Variants in SENP1 observed in about 807,000 individuals in gnomAD.
The protein encoded by SENP1 is SUMO specific peptidase 1.
Under a neutral mutation model 93.0 loss-of-function variants are expected in SENP1, and 21 were observed. That is an observed-to-expected ratio of 0.23 (90% CI 0.16 to 0.33). SENP1 has a LOEUF of 0.33. SENP1 is among the 10% of genes least tolerant of loss of function. SENP1 has a pLI of 1.00. For missense variants in SENP1, 591 were observed against 758.7 expected (o/e 0.78, Z 2.60); for synonymous variants, 256 against 259.6 (o/e 0.99, Z 0.13).
In SENP1 at chr12:48,043,379, G is replaced by A. The variant is rs543423257; in HGVS notation, c.*1943C>T. On this transcript the variant is annotated 3_prime_UTR_variant, in exon 18 of 18. Transcript: ENST00000549518. ...GAACAATCTTGTTCTGAGTCCCCCA[G>A]ACAATAGTGAAAGAACCTGAAAAAG... 2 of 152,682 alleles carry A rather than the reference G, an allele frequency of 1.3e-5. No homozygotes were observed. Among genetic ancestry groups the A allele is most frequent in the Non-Finnish European group, 2.9e-5 (2 of 68,024 alleles). The allele number at this position is 152,682 out of a possible 1,614,324, so 9.5% of individuals were successfully genotyped here.
At chr12:48,087,272 G>T (rs1944943700) in intron 5 of SENP1, among the ~76,000 whole-genome samples, 3 of 152,122 alleles carry the variant, frequency 2.0e-5, no homozygotes, top group Non-Finnish European at 4.4e-5. Flanking sequence ...TATGTAGAAG[G>T]ATATGTACTA....
intron 13 of SENP1, chr12:48,055,544 C>A (rs189733225): frequency 3.9e-5 from 6 of 152,134 alleles, no homozygotes; most frequent in Admixed American, 3.3e-4. Flanking sequence ...TTGCTGGCCT[C>A]CCCAAGGATA....
chr12:48,046,500 T>C (rs1372434421), intron 16 of SENP1, 49 bp from the exon 17 acceptor site: 1 of 1,266,008 alleles, frequency 7.9e-7, no homozygotes, highest in Non-Finnish European at 1.2e-6. Context: ...GCTTCTTTCC[T>C]TCTTAGATTA....
intron 6 of SENP1, chr12:48,081,409 T>TA (rs1334201148): frequency 1.3e-5 from 2 of 152,058 alleles, no homozygotes; most frequent in Admixed American, 1.3e-4. Context: ...AAAATTTGTG[T>TA]AATGTCAAAA....
At chr12:48,095,054 G>A (rs1945463376) in intron 4 of SENP1, among the ~76,000 whole-genome samples, 1 of 152,142 alleles carries the variant, frequency 6.6e-6, no homozygotes. Context: ...TACTATGGAA[G>A]TCCAGTGCCC....
intron 4 of SENP1, 142 bp downstream of exon 4, chr12:48,096,201 C>A (rs995872007): frequency 1.8e-6 from 1 of 549,750 alleles, no homozygotes; most frequent in African/African-American, 1.9e-5. Flanking sequence ...ACAGGAAAAG[C>A]CATTCAAATG....
chr12:48,061,909 G>A (rs1020640860), intron 13 of SENP1, among the ~76,000 whole-genome samples: 2 of 152,138 alleles, frequency 1.3e-5, no homozygotes, highest in Non-Finnish European at 2.9e-5. Context: ...ATTCTGAACT[G>A]AGAAGAAATG....
chr12:48,098,213 T>G, intron 2 of SENP1, 89 bp from the exon 3 acceptor site: 1 of 1,336,754 alleles, frequency 7.5e-7, no homozygotes, highest in Non-Finnish European at 1.0e-6. Flanking sequence ...ATAAAAACAA[T>G]TCCCACCCAG....
intron 13 of SENP1, among the ~76,000 whole-genome samples, chr12:48,051,769 C>G (rs771583013): frequency 6.6e-6 from 1 of 152,222 alleles, no homozygotes. Context: ...CTGTCCCCGA[C>G]GCCAAGTTGG....
intron 1 of SENP1, among the ~76,000 whole-genome samples, chr12:48,102,139 T>C (rs1336642173): frequency 1.3e-5 from 2 of 152,118 alleles, no homozygotes; most frequent in African/African-American, 2.4e-5. Flanking sequence ...AAAACCAAAC[T>C]GCTGGCCGGG....
intron 2 of SENP1, among the ~76,000 whole-genome samples, chr12:48,098,826 A>G (rs910306188): frequency 6.6e-6 from 1 of 151,956 alleles, no homozygotes; most frequent in Admixed American, 6.6e-5. Flanking sequence ...AATAATAATA[A>G]AAAAAGACAA....
At chr12:48,105,339 C>T (rs1437415646) in intron 1 of SENP1, 12 of 515,326 alleles carry the variant, frequency 2.3e-5, no homozygotes, top group African/African-American at 3.9e-5. Context: ...GAAAGAGAAA[C>T]GAGGCATAGA....
chr12:48,059,316 A>T (rs1458454415), intron 13 of SENP1, among the ~76,000 whole-genome samples: 1 of 152,064 alleles, frequency 6.6e-6, no homozygotes, highest in Admixed American at 6.6e-5. Context: ...TGTGTCTCAT[A>T]TTCAAGTTTC....
At chr12:48,102,018 T>A (rs1945970055) in intron 1 of SENP1, among the ~76,000 whole-genome samples, 1 of 152,210 alleles carries the variant, frequency 6.6e-6, no homozygotes, top group Non-Finnish European at 1.5e-5. Context: ...TAATACAAAG[T>A]ACTTCCCCCA....
chr12:48,103,672 T>TA (rs56153267), intron 1 of SENP1, among the ~76,000 whole-genome samples: 1 of 151,950 alleles, frequency 6.6e-6, no homozygotes, highest in Non-Finnish European at 1.5e-5. Flanking sequence ...GTTTTCTTTT[T>TA]AAAAAAAATG....
intron 1 of SENP1, among the ~76,000 whole-genome samples, chr12:48,103,518 T>C (rs986196452): frequency 6.6e-6 from 1 of 152,234 alleles, no homozygotes; most frequent in Non-Finnish European, 1.5e-5. Context: ...TACAAATACA[T>C]CCAGCTACTT....
chr12:48,070,102 T>A (rs1943580665), intron 9 of SENP1, among the ~76,000 whole-genome samples: 1 of 152,196 alleles, frequency 6.6e-6, no homozygotes, highest in African/African-American at 2.4e-5. Context: ...ATGCAGAAGT[T>A]CACATGTGAG....
At chr12:48,061,352 C>T (rs1280229545) in intron 13 of SENP1, among the ~76,000 whole-genome samples, 1 of 152,114 alleles carries the variant, frequency 6.6e-6, no homozygotes, top group African/African-American at 2.4e-5. Context: ...GAGGATTGAA[C>T]AGAGGACAAA....
At chr12:48,083,113 C>T (rs1256709548) in intron 6 of SENP1, among the ~76,000 whole-genome samples, 4 of 152,084 alleles carry the variant, frequency 2.6e-5, no homozygotes, top group African/African-American at 9.7e-5. Flanking sequence ...CCATGTTGCC[C>T]AGGCTCGTCT....
Sources: allele counts gnomAD v4.1 joint callset (sites outside exome capture counted in the v4.1 genomes callset), GRCh38; gene constraint gnomAD v4.1.1; transcripts MANE v1.5; gene names NCBI Gene and HGNC (gene_info 2026-07-23, HGNC 2026-07-21).